Variants in RBM25 observed in about 807,000 individuals in gnomAD.
RBM25 encodes RNA-binding protein 25.
A neutral mutation model predicts 120.7 loss-of-function variants in RBM25; 19 were observed. That is an observed-to-expected ratio of 0.16 (90% CI 0.11 to 0.23). RBM25 has a LOEUF of 0.23. Ranked by LOEUF, RBM25 falls within the 10% of genes least tolerant of loss-of-function variation. The pLI, the probability that RBM25 is intolerant of heterozygous loss-of-function variation, is 1.00. For synonymous variants in RBM25, 390 were observed against 326.7 expected (o/e 1.19, Z -2.09); for missense variants, 605 against 1,041.5 (o/e 0.58, Z 5.77).
chr14:73,076,245 G>A, intron 2 of RBM25, 74 bp from the exon 3 acceptor site: 1 of 1,169,884 alleles, frequency 8.5e-7, no homozygotes, highest in Admixed American at 1.7e-5. Context: ...TATGAGTAAG[G>A]ATACTTAATT....
At chr14:73,076,680 C>G (rs544407375) in intron 3 of RBM25, among the ~76,000 whole-genome samples, 22 of 152,128 alleles carry the variant, frequency 1.4e-4, no homozygotes, top group Admixed American at 1.3e-3. Context: ...CATCTTGGTC[C>G]TGGGAGATGG....
At chr14:73,117,988 A>G (rs77718031) in intron 18 of RBM25, among the ~76,000 whole-genome samples, 3,449 of 152,272 alleles carry the variant, frequency 0.023, 134 homozygotes, top group African/African-American at 0.076. Flanking sequence ...CAAGGACCCT[A>G]TAACTCATAA....
chr14:73,093,703 C>T (rs921801341), intron 6 of RBM25, among the ~76,000 whole-genome samples: 1 of 151,482 alleles, frequency 6.6e-6, no homozygotes. Flanking sequence ...AGATGGGTTT[C>T]GCCATGTTGG....
intron 1 of RBM25, among the ~76,000 whole-genome samples, chr14:73,063,378 T>C (rs972406911): frequency 6.6e-6 from 1 of 151,154 alleles, no homozygotes; most frequent in African/African-American, 2.4e-5. Context: ...CTCGATCTCC[T>C]GACTTCGTGA....
At chr14:73,107,612 A>C (rs1566599447) in intron 12 of RBM25, 1 of 492,134 alleles carries the variant, frequency 2.0e-6, no homozygotes, top group Non-Finnish European at 3.5e-6. Flanking sequence ...ACATTTATAA[A>C]TATGGTTTGA....
At position 73,076,172 on chromosome 14, in the gene RBM25, A is replaced by G. The variant is rs1895417053; in HGVS notation, c.107-147A>G. On this transcript the variant is annotated intron_variant, in intron 2 of 18. Coordinates refer to ENST00000261973, the MANE Select transcript of RBM25 (RefSeq NM_021239.3). ...CCAACCTGATACCACATTCCTTTTGAAAATAAGATAGTATTTATCAGTATT... is the reference window on the plus strand; with the variant it reads ...CCAACCTGATACCACATTCCTTTTGGAAATAAGATAGTATTTATCAGTATT... The G allele has an allele frequency of 5.8e-6, 4 of 687,184 alleles. No homozygotes were observed. In the South Asian group the frequency reaches 7.8e-5, roughly 13 times the overall value. 42.6% of individuals were successfully genotyped at this position (687,184 alleles called of 1,614,324 possible). A position where few individuals can be genotyped will look rare whatever the true frequency, so the allele number is the denominator to read the frequency against.
chr14:73,117,367 G>A (rs1282192135), intron 18 of RBM25, among the ~76,000 whole-genome samples: 1 of 151,452 alleles, frequency 6.6e-6, no homozygotes, highest in African/African-American at 2.4e-5. Flanking sequence ...AAGTAGTTGG[G>A]ATTACAGGTG....
rs577243955 is a variant in RBM25, at chr14:73,114,848, T to C, written c.2439+515T>C. 3.3e-5 allele frequency among the ~76,000 whole-genome samples: 5 copies of C among 152,242 alleles called. No individual in the cohort carries two copies. The East Asian group carries it at 9.6e-4, about 29-fold the overall frequency. ...AGGTGGAGGTTGCAGTGAGCCGAGA[T>C]CATGCCATTGCACTCCAGCCTGGTG... is the stretch of plus-strand genomic sequence containing the variant. On this transcript the variant is annotated intron_variant, in intron 18 of 18. Transcript: ENST00000261973.
At chr14:73,065,707 C>T (rs901176494) in intron 1 of RBM25, among the ~76,000 whole-genome samples, 5 of 151,964 alleles carry the variant, frequency 3.3e-5, no homozygotes, top group African/African-American at 1.2e-4. Context: ...CATGAGCCAC[C>T]TCACCCAGCC....
chr14:73,113,474 TGTG>T (rs1468648993), intron 17 of RBM25, among the ~76,000 whole-genome samples: 2 of 151,646 alleles, frequency 1.3e-5, no homozygotes, highest in Non-Finnish European at 2.9e-5. Context: ...GCAGAACACT[TGTG>T]GTCACGAGTT....
intron 9 of RBM25, chr14:73,102,624 A>T (rs1001397957): frequency 2.0e-5 from 3 of 152,400 alleles, no homozygotes; most frequent in African/African-American, 7.2e-5. Flanking sequence ...TAATGGTGGG[A>T]GTAAATGTTT....
Position 73,097,196 on chromosome 14 carries a change from C to CTTTTTTTTTTTTTTTTTTTTTTTTTTTT in RBM25, c.729+118_729+119insTTTTTTTTTTTTTTTTTTTTTTTTTTTT, listed in dbSNP as rs11390922. The stretch of plus-strand genomic sequence containing the variant: ...ACATGTCAGTTTTCTTTTTTCTTTT[C>CTTTTTTTTTTTTTTTTTTTTTTTTTTTT]TTTTTTTTTTTTTTTTTTTTTTGAG... On this transcript the variant is annotated intron_variant, in intron 7 of 18. Transcript: ENST00000261973. The CTTTTTTTTTTTTTTTTTTTTTTTTTTTT allele has an allele frequency of 2.3e-4, 32 of 140,076 alleles. 1 individual carries two copies. Among genetic ancestry groups the CTTTTTTTTTTTTTTTTTTTTTTTTTTTT allele is most frequent in the East Asian group, 7.7e-4 (3 of 3,902 alleles). 8.7% of individuals were successfully genotyped at this position (140,076 alleles called of 1,614,324 possible).
chr14:73,088,074 T>C lies in RBM25; in HGVS notation c.456T>C (p.Ile152=). 6.2e-7 allele frequency: 1 copy of C among 1,614,138 alleles called. No individual in the cohort carries two copies. Among genetic ancestry groups the C allele is most frequent in the Non-Finnish European group, 8.5e-7 (1 of 1,180,012 alleles). ...RALRLLHDLQ[I]GEKKLLVKVD... ...TCAGATTATTACATGACCTGCAAATTGGAGAGAAAAAGCTACTCGTTAAAG... is the reference window on the plus strand; with the variant it reads ...TCAGATTATTACATGACCTGCAAATCGGAGAGAAAAAGCTACTCGTTAAAG... The change falls in exon 6 of 19, where the codon ATT becomes ATC. Residue 152 remains isoleucine (I), a synonymous_variant. Transcript: ENST00000261973.
At chr14:73,087,481 C>T (rs928614419) in intron 5 of RBM25, among the ~76,000 whole-genome samples, 10 of 151,850 alleles carry the variant, frequency 6.6e-5, no homozygotes, top group African/African-American at 1.2e-4. Context: ...CTGCAACCTC[C>T]GCCTCCTGGG....
chr14:73,112,771 GTTTGT>G lies in RBM25; in HGVS notation c.2391+540_2391+544del, dbSNP rs535163637. On this transcript the variant is annotated intron_variant, in intron 17 of 18. Transcript: ENST00000261973. ...TCTCGGCAGGTATTGTGTTAGTTTT[GTTTGT>G]TTTGTTTTGTTTTGTTTTTTGTTTT... Among the ~76,000 whole-genome samples the G allele has an allele frequency of 5.9e-3, 894 of 151,604 alleles. 13 individuals are homozygous for G. Among genetic ancestry groups the G allele is most frequent in the African/African-American group, 0.02 (824 of 41,336 alleles).
rs893056942 is a variant in RBM25 at position 73,122,110 on chromosome 14, A to G, written c.*2305A>G. The G allele has an allele frequency of 6.6e-6, 1 of 152,222 alleles. No individual in the cohort carries two copies. The highest frequency in any genetic ancestry group is 2.4e-5 in the African/African-American group (1 of 41,460). The allele number at this position is 152,222 out of a possible 1,614,324, so 9.4% of individuals were successfully genotyped here. On this transcript the variant is annotated 3_prime_UTR_variant, in exon 19 of 19. Transcript: ENST00000261973. ...TTAAACAGGCATATTCTAGTGTCTG[A>G]AAATACACATAAGAAATTTCTATTA... is the stretch of plus-strand genomic sequence containing the variant.
At chr14:73,086,901 C>T (rs1895699032) in intron 5 of RBM25, among the ~76,000 whole-genome samples, 2 of 152,138 alleles carry the variant, frequency 1.3e-5, no homozygotes, top group Admixed American at 1.3e-4. Flanking sequence ...GAGAGGGTTT[C>T]ACCATGTTGG....
At chr14:73,104,161 T>A (rs928467885) in intron 10 of RBM25, among the ~76,000 whole-genome samples, 1 of 152,008 alleles carries the variant, frequency 6.6e-6, no homozygotes, top group Non-Finnish European at 1.5e-5. Flanking sequence ...TTAAAGTTGC[T>A]CTTTTTGTTG....
chr14:73,106,129 AG>A, intron 11 of RBM25, 48 bp downstream of exon 11: 1 of 1,586,772 alleles, frequency 6.3e-7, no homozygotes, highest in South Asian at 1.2e-5. Context: ...ATCCCTTAAT[AG>A]GTTAATCAAT....
Sources: allele counts gnomAD v4.1 joint callset (sites outside exome capture counted in the v4.1 genomes callset), GRCh38; gene constraint gnomAD v4.1.1; transcripts MANE v1.5; gene names NCBI Gene and HGNC (gene_info 2026-07-23, HGNC 2026-07-21).